The following FAM3C variants were observed in gnomAD, a reference collection of about 807,000 sequenced individuals.
FAM3C encodes protein FAM3C.
In FAM3C, 15 loss-of-function variants were observed where a neutral mutation model predicts 32.5. That is an observed-to-expected ratio of 0.46 (90% CI 0.31 to 0.71). The LOEUF (loss-of-function observed/expected upper bound fraction) is 0.71, where lower values mean the gene tolerates loss of function less well. Ranked by LOEUF, FAM3C falls within the 30% of genes least tolerant of loss-of-function variation. The pLI is 0.05. For synonymous variants in FAM3C, 75 were observed against 86.1 expected (o/e 0.87, Z 0.72); for missense variants, 175 against 274.4 (o/e 0.64, Z 2.56).
chr7:121,392,232 T>G (rs1422440533), intron 1 of FAM3C, among the ~76,000 whole-genome samples: 1 of 152,218 alleles, frequency 6.6e-6, no homozygotes, highest in Non-Finnish European at 1.5e-5. Flanking sequence ...TTTGCACTGT[T>G]ATAAAGAAAT....
intron 2 of FAM3C, among the ~76,000 whole-genome samples, chr7:121,382,554 T>G (rs1794379617): frequency 1.3e-5 from 2 of 151,454 alleles, no homozygotes; most frequent in Admixed American, 6.6e-5. Flanking sequence ...TTTAGGTTTT[T>G]TTTTTTTTTT....
At chr7:121,375,102 A>AG (rs1313908349) in intron 3 of FAM3C, among the ~76,000 whole-genome samples, 1 of 152,222 alleles carries the variant, frequency 6.6e-6, no homozygotes, top group Non-Finnish European at 1.5e-5. Flanking sequence ...GAGGAAAAAA[A>AG]GAAAAAAAAT....
chr7:121,377,917 T>C (rs989438444), intron 3 of FAM3C, among the ~76,000 whole-genome samples: 1 of 152,184 alleles, frequency 6.6e-6, no homozygotes, highest in African/African-American at 2.4e-5. Flanking sequence ...ATGACAAAAA[T>C]CACCGAATGA....
intron 2 of FAM3C, among the ~76,000 whole-genome samples, chr7:121,380,636 C>G (rs1794330265): frequency 6.6e-6 from 1 of 151,564 alleles, no homozygotes; most frequent in African/African-American, 2.4e-5. Flanking sequence ...AATCTGTACA[C>G]CAAGCCCCTG....
intron 1 of FAM3C, among the ~76,000 whole-genome samples, chr7:121,388,104 T>G (rs1794499142): frequency 6.6e-6 from 1 of 152,128 alleles, no homozygotes; most frequent in Non-Finnish European, 1.5e-5. Context: ...TATTGTAAAT[T>G]TAACAAAATT....
chr7:121,372,207 A>G (rs1461953396), intron 3 of FAM3C, 68 bp from the exon 4 acceptor site: 1 of 1,005,068 alleles, frequency 9.9e-7, no homozygotes, highest in African/African-American at 1.6e-5. Flanking sequence ...TTTAAAATAT[A>G]TTTAGGTCCA....
At chr7:121,365,033 C>T (rs1218627624) in intron 5 of FAM3C, among the ~76,000 whole-genome samples, 1 of 152,140 alleles carries the variant, frequency 6.6e-6, no homozygotes, top group Non-Finnish European at 1.5e-5. Flanking sequence ...TACACGTGCA[C>T]ACACTTGTCC....
chr7:121,378,251 C>T (rs1275451746), intron 3 of FAM3C, among the ~76,000 whole-genome samples: 1 of 150,642 alleles, frequency 6.6e-6, no homozygotes, highest in African/African-American at 2.4e-5. Flanking sequence ...AGTATGGCAA[C>T]ATTAAATGAG....
chr7:121,382,982 A>G lies in FAM3C; in HGVS notation c.-13T>C. 2 of 1,599,960 alleles carry G rather than the reference A, an allele frequency of 1.3e-6. No individual in the cohort carries two copies. Among genetic ancestry groups the G allele is most frequent in the South Asian group, 1.1e-5 (1 of 89,860 alleles). ...CTGCTACCCTCATGTTTGGTTTTTC[A>G]GTTTATGGCACTTTTCATTAATATG... On this transcript the variant is annotated 5_prime_UTR_variant, in exon 2 of 10. The change abolishes the stop of an existing upstream ORF in the 5' untranslated region. Coordinates refer to ENST00000359943, the MANE Select transcript of FAM3C (RefSeq NM_014888.3).
intron 8 of FAM3C, among the ~76,000 whole-genome samples, chr7:121,351,736 T>C (rs1484988153): frequency 6.6e-6 from 1 of 152,200 alleles, no homozygotes; most frequent in African/African-American, 2.4e-5. Flanking sequence ...TATGTTTTAT[T>C]TAAAAGAAAA....
chr7:121,354,149 G>A (rs1319952374), intron 8 of FAM3C, among the ~76,000 whole-genome samples: 1 of 151,994 alleles, frequency 6.6e-6, no homozygotes, highest in African/African-American at 2.4e-5. Flanking sequence ...GTATTTAATT[G>A]AATATACAGG....
Position 121,372,130 on chromosome 7 carries a change from G to A in FAM3C, c.128C>T (p.Ala43Val), listed in dbSNP as rs1196489572. Residue 43 changes from alanine to valine, a missense_variant, in exon 4 of 10, where the codon GCA becomes GTA. By Grantham distance (64) the Ala-to-Val change is moderately conservative. Transcript: ENST00000359943. The part of the protein sequence containing the change: ...ASLGNLFARS[A>V]LDTAARSTKP... ...CTTACAACGTGCAGCTGTGTCCAAT[G>A]CTGATCTTGCTGAAAAAAAAAAATT... 1.2e-6 allele frequency: 2 copies of A among 1,605,918 alleles called. No homozygotes were observed. The highest frequency in any genetic ancestry group is 8.5e-7 in the Non-Finnish European group (1 of 1,174,866).
intron 1 of FAM3C, among the ~76,000 whole-genome samples, chr7:121,388,235 AACACAC>A (rs10676450): frequency 1.4e-5 from 2 of 147,820 alleles, no homozygotes; most frequent in Non-Finnish European, 3.0e-5. Context: ...CCACCATTTT[AACACAC>A]ACACACACAC....
chr7:121,360,985 T>C (rs1793908933), intron 7 of FAM3C, among the ~76,000 whole-genome samples: 1 of 152,198 alleles, frequency 6.6e-6, no homozygotes, highest in South Asian at 2.1e-4. Context: ...TACACACAGA[T>C]TTAAAGGCTA....
intron 4 of FAM3C, 132 bp from the exon 5 acceptor site, chr7:121,371,555 T>A: frequency 1.0e-6 from 1 of 1,000,716 alleles, no homozygotes. Flanking sequence ...AAATACAAGC[T>A]AATTTGTTCC....
At chr7:121,361,839 C>T (rs912524748) in intron 7 of FAM3C, among the ~76,000 whole-genome samples, 19 of 152,042 alleles carry the variant, frequency 1.2e-4, no homozygotes, top group Non-Finnish European at 7.4e-5. Context: ...CCACCATGCC[C>T]GGCTAATTTT....
Position 121,366,073 on chromosome 7 carries a change from T to C in FAM3C, c.273-1885A>G, listed in dbSNP as rs115550320. Among the ~76,000 whole-genome samples the C allele has an allele frequency of 7.5e-3, 1,135 of 152,228 alleles. 9 individuals are homozygous for C. The highest frequency in any genetic ancestry group is 0.026 in the African/African-American group (1,073 of 41,554). ...AAGTGTTGGCAAGGATGTGGAGAAA[T>C]TGGAACCTTCATACACTGCTGGCGG... is the stretch of plus-strand genomic sequence containing the variant. On this transcript the variant is annotated intron_variant, in intron 5 of 9. Coordinates refer to ENST00000359943, the MANE Select transcript of FAM3C (RefSeq NM_014888.3).
intron 1 of FAM3C, among the ~76,000 whole-genome samples, chr7:121,394,754 T>C (rs1271987891): frequency 6.6e-6 from 1 of 152,220 alleles, no homozygotes; most frequent in Non-Finnish European, 1.5e-5. Context: ...AGACTACTAG[T>C]AGCCTCTAGA....
At chr7:121,381,655 T>TA (rs1242103704) in intron 2 of FAM3C, among the ~76,000 whole-genome samples, 4 of 117,182 alleles carry the variant, frequency 3.4e-5, no homozygotes, top group Non-Finnish European at 5.8e-5. Context: ...TCAAAGAACA[T>TA]CCACACACAC....
Sources: allele counts gnomAD v4.1 joint callset (sites outside exome capture counted in the v4.1 genomes callset), GRCh38; gene constraint gnomAD v4.1.1; transcripts MANE v1.5; gene names NCBI Gene and HGNC (gene_info 2026-07-23, HGNC 2026-07-21).